The following IPCEF1 variants were observed in gnomAD, a reference collection of about 807,000 sequenced individuals.
The protein encoded by IPCEF1 is interaction protein for cytohesin exchange factors 1.
A neutral mutation model predicts 50.9 loss-of-function variants in IPCEF1; 31 were observed. That is an observed-to-expected ratio of 0.61 (90% CI 0.46 to 0.82). The LOEUF (loss-of-function observed/expected upper bound fraction) is 0.82, where lower values mean the gene tolerates loss of function less well. IPCEF1 is among the 40% of genes least tolerant of loss of function. The pLI, the probability that IPCEF1 is intolerant of heterozygous loss-of-function variation, is 0.00. For synonymous variants in IPCEF1, 181 were observed against 192.0 expected (o/e 0.94, Z 0.47); for missense variants, 458 against 514.0 (o/e 0.89, Z 1.05).
At chr6:154,276,323 G>A (rs1303107289) in intron 2 of IPCEF1, among the ~76,000 whole-genome samples, 1 of 52,606 alleles carries the variant, frequency 1.9e-5, no homozygotes, top group Admixed American at 2.5e-4. Context: ...AGGAGGGAGG[G>A]AAGGAGGAAA....
chr6:154,263,083 A>T (rs1423812354), intron 3 of IPCEF1, among the ~76,000 whole-genome samples: 3 of 151,876 alleles, frequency 2.0e-5, no homozygotes, highest in Admixed American at 2.0e-4. Flanking sequence ...CATGCTTATA[A>T]TCTTAAAATG....
chr6:154,262,207 T>C (rs745534262), intron 3 of IPCEF1, among the ~76,000 whole-genome samples: 3 of 152,164 alleles, frequency 2.0e-5, no homozygotes, highest in Non-Finnish European at 2.9e-5. Context: ...GGAGTGGAGA[T>C]GGCTCATGAA....
intron 10 of IPCEF1, among the ~76,000 whole-genome samples, chr6:154,178,049 A>G (rs1800500302): frequency 6.6e-6 from 1 of 152,012 alleles, no homozygotes; most frequent in Admixed American, 6.6e-5. Flanking sequence ...ACAGAAAATC[A>G]AACACTACAG....
chr6:154,320,917 T>C (rs914769231), intron 1 of IPCEF1, among the ~76,000 whole-genome samples: 1 of 152,180 alleles, frequency 6.6e-6, no homozygotes, highest in Non-Finnish European at 1.5e-5. Flanking sequence ...TATATATGTA[T>C]ATGTATATTC....
chr6:154,298,491 G>A (rs965233069), intron 1 of IPCEF1, among the ~76,000 whole-genome samples: 4 of 152,126 alleles, frequency 2.6e-5, no homozygotes, highest in Non-Finnish European at 4.4e-5. Context: ...ATATAATCTC[G>A]AATCAAGAGG....
intron 11 of IPCEF1, among the ~76,000 whole-genome samples, chr6:154,161,808 T>C (rs1190995216): frequency 6.6e-6 from 1 of 152,194 alleles, no homozygotes; most frequent in Non-Finnish European, 1.5e-5. Context: ...GTGATTGAAC[T>C]ACTCTTTTTG....
intron 11 of IPCEF1, among the ~76,000 whole-genome samples, chr6:154,164,868 T>C (rs1799304323): frequency 6.6e-6 from 1 of 152,202 alleles, no homozygotes. Context: ...AATATCTGTA[T>C]TTAGTGTACA....
At chr6:154,190,559 G>A (rs2128580132) in intron 10 of IPCEF1, among the ~76,000 whole-genome samples, 1 of 152,264 alleles carries the variant, frequency 6.6e-6, no homozygotes, top group Non-Finnish European at 1.5e-5. Context: ...CATTGATGGT[G>A]GGAATGCAAA....
chr6:154,355,609 T>C lies in IPCEF1; in HGVS notation c.-62+1063A>G, dbSNP rs188384500. ...GTTCAAGCAATTCTCCTGCCTCAGC[T>C]TCCCAGGTAGCTGGGATTACAGGTG... On this transcript the variant is annotated intron_variant, in intron 1 of 11. Transcript: ENST00000367220. Among the ~76,000 whole-genome samples the C allele has an allele frequency of 8.2e-3, 1,246 of 151,880 alleles. 15 individuals carry two copies. The highest frequency in any genetic ancestry group is 0.029 in the African/African-American group (1,181 of 41,436).
intron 1 of IPCEF1, among the ~76,000 whole-genome samples, chr6:154,344,021 G>T (rs915526627): frequency 2.0e-5 from 3 of 152,178 alleles, no homozygotes; most frequent in Admixed American, 6.5e-5. Flanking sequence ...TGCAGGCTAC[G>T]TGAATGACAT....
intron 2 of IPCEF1, among the ~76,000 whole-genome samples, chr6:154,280,643 A>C (rs1782182854): frequency 6.6e-6 from 1 of 152,212 alleles, no homozygotes; most frequent in Non-Finnish European, 1.5e-5. Flanking sequence ...TGTTTAGGGA[A>C]GTGTACTTGG....
At chr6:154,331,327 A>G (rs1403918776) in intron 1 of IPCEF1, among the ~76,000 whole-genome samples, 4 of 145,524 alleles carry the variant, frequency 2.7e-5, no homozygotes, top group African/African-American at 1.0e-4. Context: ...GAAGAAGAAG[A>G]AGGGAGGAAG....
chr6:154,198,971 C>T lies in IPCEF1; in HGVS notation c.910+697G>A, dbSNP rs534914790. ...GAATAGCGCACAATCAGAAAAGATA[C>T]GTCACGATTGAACAGTAATAAAAAT... On this transcript the variant is annotated intron_variant, in intron 10 of 11. Transcript: ENST00000367220. Among the ~76,000 whole-genome samples the T allele has an allele frequency of 9.2e-5, 14 of 152,280 alleles. 1 individual carries two copies. Among genetic ancestry groups the T allele is most frequent in the Admixed American group, 1.3e-4 (2 of 15,296 alleles).
At chr6:154,207,788 A>G (rs1562541626) in intron 9 of IPCEF1, among the ~76,000 whole-genome samples, 2 of 152,190 alleles carry the variant, frequency 1.3e-5, no homozygotes, top group Non-Finnish European at 2.9e-5. Flanking sequence ...TTAAAAAACT[A>G]CTTCAGAAAA....
chr6:154,277,037 C>T (rs1429309986), intron 2 of IPCEF1, among the ~76,000 whole-genome samples: 1 of 152,224 alleles, frequency 6.6e-6, no homozygotes, highest in Non-Finnish European at 1.5e-5. Flanking sequence ...CAATACAGCT[C>T]TCAGAAAGAG....
chr6:154,265,319 T>G (rs1427913538), intron 3 of IPCEF1, among the ~76,000 whole-genome samples: 1 of 152,052 alleles, frequency 6.6e-6, no homozygotes, highest in Non-Finnish European at 1.5e-5. Flanking sequence ...CTCGCTCTGT[T>G]GCCCAGGCTG....
At chr6:154,266,428 T>G (rs1199291893) in intron 2 of IPCEF1, among the ~76,000 whole-genome samples, 1 of 151,882 alleles carries the variant, frequency 6.6e-6, no homozygotes, top group African/African-American at 2.4e-5. Flanking sequence ...AATAGCTTTT[T>G]ATTTCAGAAC....
At chr6:154,301,392 T>C (rs1407383683) in intron 1 of IPCEF1, among the ~76,000 whole-genome samples, 2 of 152,204 alleles carry the variant, frequency 1.3e-5, no homozygotes, top group African/African-American at 4.8e-5. Context: ...TGAGGCTATC[T>C]GATCCAGGCA....
intron 9 of IPCEF1, among the ~76,000 whole-genome samples, chr6:154,206,236 T>C (rs960605022): frequency 1.4e-4 from 22 of 152,380 alleles, no homozygotes; most frequent in Admixed American, 1.2e-3. Context: ...TGTGTATTTC[T>C]CTGGAACCTG....
Sources: allele counts gnomAD v4.1 joint callset (sites outside exome capture counted in the v4.1 genomes callset), GRCh38; gene constraint gnomAD v4.1.1; transcripts MANE v1.5; gene names NCBI Gene and HGNC (gene_info 2026-07-23, HGNC 2026-07-21).